The following KCNQ3 variants were observed in gnomAD, a reference collection of about 807,000 sequenced individuals.
The protein encoded by KCNQ3 is potassium voltage-gated channel subfamily KQT member 3.
In KCNQ3, 30 loss-of-function variants were observed where a neutral mutation model predicts 92.5. The observed-to-expected ratio is 0.32, with a 90% CI of 0.24 to 0.44. KCNQ3 has a LOEUF of 0.44. Ranked by LOEUF, KCNQ3 falls within the 20% of genes least tolerant of loss-of-function variation. KCNQ3 has a pLI of 1.00. For synonymous variants in KCNQ3, 450 were observed against 468.8 expected (o/e 0.96, Z 0.52); for missense variants, 913 against 1,140.3 (o/e 0.80, Z 2.87).
At chr8:132,334,578 A>T (rs1818315036) in intron 1 of KCNQ3, among the ~76,000 whole-genome samples, 1 of 152,218 alleles carries the variant, frequency 6.6e-6, no homozygotes, top group Non-Finnish European at 1.5e-5. Flanking sequence ...AAAGGACTGT[A>T]CCTAAATGAT....
intron 1 of KCNQ3, among the ~76,000 whole-genome samples, chr8:132,478,811 C>T (rs35155387): frequency 0.19 from 29,640 of 152,044 alleles, 3,119 homozygotes; most frequent in South Asian, 0.32. Flanking sequence ...CCTGTGTGGA[C>T]GCCCCCACCT....
chr8:132,208,530 A>G (rs1221659919), intron 1 of KCNQ3, among the ~76,000 whole-genome samples: 1 of 152,132 alleles, frequency 6.6e-6, no homozygotes, highest in African/African-American at 2.4e-5. Flanking sequence ...ACTTTGTGAA[A>G]TGAGGCACAA....
rs539253522 is a variant in KCNQ3, at chr8:132,281,163, C to T, written c.387-94982G>A. ...TAAGATATCATTAACTCTCCTGGAC[C>T]AATTTGGAAACAGAGATTAAGGCTG... On this transcript the variant is annotated intron_variant, in intron 1 of 14. Coordinates refer to ENST00000388996, the MANE Select transcript of KCNQ3 (RefSeq NM_004519.4). Among the ~76,000 whole-genome samples, 7 of 152,236 alleles carry T rather than the reference C, an allele frequency of 4.6e-5. No homozygotes were observed. The East Asian group carries it at 9.7e-4, about 21-fold the overall frequency.
chr8:132,302,836 C>G (rs1186096232), intron 1 of KCNQ3, among the ~76,000 whole-genome samples: 1 of 152,160 alleles, frequency 6.6e-6, no homozygotes, highest in African/African-American at 2.4e-5. Flanking sequence ...GGTCCTTTGG[C>G]CCACAGGTGA....
chr8:132,122,635 T>C lies in KCNQ3; in HGVS notation c.*6627A>G, dbSNP rs1563755835. 1.3e-5 allele frequency: 2 copies of C among 152,168 alleles called. No homozygotes were observed. The highest frequency in any genetic ancestry group is 2.4e-5 in the African/African-American group (1 of 41,428). 9.4% of individuals were successfully genotyped at this position (152,168 alleles called of 1,614,324 possible). ...AAGGCTTAGGTAGAATGACAATCTT[T>C]AAAATTACTGGGCCAACTATTGTTG... On this transcript the variant is annotated 3_prime_UTR_variant, in exon 15 of 15. Coordinates refer to ENST00000388996, the MANE Select transcript of KCNQ3 (RefSeq NM_004519.4).
intron 1 of KCNQ3, among the ~76,000 whole-genome samples, chr8:132,243,894 A>G (rs1350068480): frequency 1.3e-5 from 2 of 152,232 alleles, no homozygotes; most frequent in African/African-American, 2.4e-5. Flanking sequence ...TCTAGATATT[A>G]TCATTCTTGG....
intron 14 of KCNQ3, among the ~76,000 whole-genome samples, chr8:132,131,123 C>G (rs879272709): frequency 6.6e-6 from 1 of 151,944 alleles, no homozygotes; most frequent in Admixed American, 6.5e-5. Context: ...ATTTCACAGG[C>G]AAGAGAACAG....
chr8:132,301,560 A>G lies in KCNQ3; in HGVS notation c.387-115379T>C, dbSNP rs370390214. ...AGAAGCATTTACTGACCATCTACTA[A>G]GTGGCAACAAGGGTGAAGTGAGAAT... On this transcript the variant is annotated intron_variant, in intron 1 of 14. Transcript: ENST00000388996. Among the ~76,000 whole-genome samples the G allele has an allele frequency of 3.3e-5, 5 of 152,314 alleles. No homozygotes were observed. In the East Asian group the frequency reaches 7.7e-4, roughly 23 times the overall value.
chr8:132,407,311 A>C (rs990431497), intron 1 of KCNQ3, among the ~76,000 whole-genome samples: 4 of 152,090 alleles, frequency 2.6e-5, no homozygotes, highest in African/African-American at 9.7e-5. Flanking sequence ...CTTTCCAAAA[A>C]CTCAGGCTCT....
chr8:132,261,910 G>A (rs1460157831), intron 1 of KCNQ3, among the ~76,000 whole-genome samples: 1 of 152,182 alleles, frequency 6.6e-6, no homozygotes, highest in African/African-American at 2.4e-5. Context: ...GTGCACAAAT[G>A]CTCATAACAG....
chr8:132,359,189 C>T (rs927479565), intron 1 of KCNQ3, among the ~76,000 whole-genome samples: 3 of 152,140 alleles, frequency 2.0e-5, no homozygotes, highest in Admixed American at 1.3e-4. Flanking sequence ...TAGTGGGGTA[C>T]CCAACCAAAT....
intron 1 of KCNQ3, among the ~76,000 whole-genome samples, chr8:132,210,506 T>C (rs2130296834): frequency 6.6e-6 from 1 of 152,300 alleles, no homozygotes; most frequent in Non-Finnish European, 1.5e-5. Flanking sequence ...TGTAACAAAT[T>C]ACCCCGAACA....
rs1822526136 is a variant in KCNQ3, at chr8:132,480,461, CCCGCCGCCTCCGCCGCCCCCGTCG to C, written c.48_71del (p.Asp17_Gly24del). On this transcript the variant is annotated inframe_deletion, in exon 1 of 15. Transcript: ENST00000388996. The stretch of plus-strand genomic sequence containing the variant: ...CGTCCCCTCCGGCTGGGTTAGCCGC[CCCGCCGCCTCCGCCGCCCCCGTCG>C]CCGCCGCCGCCAGCCGCCCCCGCCG... The C allele has an allele frequency of 3.1e-6, 4 of 1,274,394 alleles. No homozygotes were observed. Among genetic ancestry groups the C allele is most frequent in the East Asian group, 3.2e-5 (1 of 31,666 alleles). The allele number at this position is 1,274,394 out of a possible 1,614,324, so 78.9% of individuals were successfully genotyped here.
At chr8:132,142,598 G>T (rs1825330738) in intron 9 of KCNQ3, among the ~76,000 whole-genome samples, 1 of 152,124 alleles carries the variant, frequency 6.6e-6, no homozygotes. Flanking sequence ...TCGCCCAGTG[G>T]TATACTCAAT....
chr8:132,397,332 G>A (rs1256611372), intron 1 of KCNQ3, among the ~76,000 whole-genome samples: 2 of 152,104 alleles, frequency 1.3e-5, no homozygotes, highest in Non-Finnish European at 2.9e-5. Context: ...CACCTTTCCA[G>A]TTGGGTGGAA....
intron 13 of KCNQ3, among the ~76,000 whole-genome samples, chr8:132,133,148 T>C (rs1335023988): frequency 6.6e-6 from 1 of 152,136 alleles, no homozygotes; most frequent in East Asian, 1.9e-4. Flanking sequence ...ATATTCTGTT[T>C]TCTGGAAACA....
chr8:132,416,570 T>C (rs548845426), intron 1 of KCNQ3, among the ~76,000 whole-genome samples: 2 of 152,212 alleles, frequency 1.3e-5, no homozygotes, highest in East Asian at 3.9e-4. Flanking sequence ...CAGTGTGAGC[T>C]GAGATCGTAC....
intron 1 of KCNQ3, among the ~76,000 whole-genome samples, chr8:132,316,727 TTAA>T (rs1817753492): frequency 6.6e-6 from 1 of 152,226 alleles, no homozygotes; most frequent in Admixed American, 6.5e-5. Flanking sequence ...TCACTTTAAG[TTAA>T]TAATAATTAA....
chr8:132,241,173 G>A (rs1250928938), intron 1 of KCNQ3, among the ~76,000 whole-genome samples: 1 of 152,120 alleles, frequency 6.6e-6, no homozygotes, highest in Non-Finnish European at 1.5e-5. Flanking sequence ...ACAGGTGTGA[G>A]CCACCGTGCC....
Sources: allele counts gnomAD v4.1 joint callset (sites outside exome capture counted in the v4.1 genomes callset), GRCh38; gene constraint gnomAD v4.1.1; transcripts MANE v1.5; gene names NCBI Gene and HGNC (gene_info 2026-07-23, HGNC 2026-07-21).